SPTLC2: variants seen among roughly 807,000 people sequenced by gnomAD.
SPTLC2 encodes serine palmitoyltransferase long chain base subunit 2.
In SPTLC2, 21 loss-of-function variants were observed where a neutral mutation model predicts 62.0. The observed-to-expected ratio is 0.34, with a 90% CI of 0.24 to 0.49. The LOEUF is 0.49. Among genes scored for constraint, SPTLC2 ranks in the 20% least tolerant of loss-of-function variants. The pLI is 0.99. For missense variants in SPTLC2, 511 were observed against 713.0 expected (o/e 0.72, Z 3.23); for synonymous variants, 261 against 261.8 (o/e 1.00, Z 0.03).
At chr14:77,588,668 C>T (rs1466003924) in intron 2 of SPTLC2, among the ~76,000 whole-genome samples, 2 of 151,422 alleles carry the variant, frequency 1.3e-5, no homozygotes, top group Non-Finnish European at 2.9e-5. Context: ...TGCACTCAAC[C>T]CTGGGCAACA....
At chr14:77,551,047 C>T (rs2079552985) in intron 9 of SPTLC2, among the ~76,000 whole-genome samples, 1 of 151,956 alleles carries the variant, frequency 6.6e-6, no homozygotes, top group Admixed American at 6.5e-5. Context: ...GAGCTCATGG[C>T]TGATAATGTG....
chr14:77,527,302 T>G (rs916038068), intron 9 of SPTLC2, among the ~76,000 whole-genome samples: 3 of 152,098 alleles, frequency 2.0e-5, no homozygotes, highest in African/African-American at 7.2e-5. Flanking sequence ...TTCACTTTGT[T>G]GGCCAGGCTG....
At chr14:77,598,288 T>C (rs1825366155) in intron 1 of SPTLC2, among the ~76,000 whole-genome samples, 1 of 152,216 alleles carries the variant, frequency 6.6e-6, no homozygotes, top group Non-Finnish European at 1.5e-5. Flanking sequence ...CACCTAACAC[T>C]GATTTTTATC....
chr14:77,562,259 A>C (rs1174124856), intron 6 of SPTLC2, 137 bp downstream of exon 6: 2 of 756,746 alleles, frequency 2.6e-6, no homozygotes, highest in Non-Finnish European at 4.7e-6. Context: ...AAAAGACTGG[A>C]CCGGAAGAAC....
At chr14:77,597,129 A>T in intron 2 of SPTLC2, 57 bp downstream of exon 2, 1 of 1,560,130 alleles carries the variant, frequency 6.4e-7, no homozygotes, top group Non-Finnish European at 8.7e-7. Flanking sequence ...GTGCAAAAAT[A>T]CTAAGATTTC....
At chr14:77,546,332 A>G (rs1052227484) in intron 9 of SPTLC2, among the ~76,000 whole-genome samples, 3 of 152,244 alleles carry the variant, frequency 2.0e-5, no homozygotes, top group Admixed American at 1.3e-4. Flanking sequence ...TTAAAAAATA[A>G]TCAAGAAGCT....
At chr14:77,530,036 T>C (rs544406848) in intron 9 of SPTLC2, among the ~76,000 whole-genome samples, 11 of 152,346 alleles carry the variant, frequency 7.2e-5, no homozygotes, top group African/African-American at 2.6e-4. Flanking sequence ...TTTATATTAA[T>C]TTAAATTAAG....
At chr14:77,561,949 G>C (rs2079617150) in intron 6 of SPTLC2, among the ~76,000 whole-genome samples, 1 of 152,226 alleles carries the variant, frequency 6.6e-6, no homozygotes, top group South Asian at 2.1e-4. Flanking sequence ...AGGGAGGAAA[G>C]GTCTGGCTCA....
rs543467999 is a variant in SPTLC2 at position 77,568,532 on chromosome 14, G to A, written c.756+1852C>T. ...AATTAAGAGAGAGGGGTTAGGGCAG[G>A]GCACAGTGGCTCACGCCTGTAATCC... On this transcript the variant is annotated intron_variant, in intron 5 of 11. Transcript: ENST00000216484. Among the ~76,000 whole-genome samples the A allele has an allele frequency of 2.0e-5, 3 of 151,876 alleles. No individual in the cohort carries two copies. In the South Asian group the frequency reaches 6.2e-4, roughly 32 times the overall value.
At chr14:77,589,236 G>A (rs760205248) in intron 2 of SPTLC2, among the ~76,000 whole-genome samples, 6 of 151,798 alleles carry the variant, frequency 4.0e-5, no homozygotes, top group East Asian at 3.9e-4. Context: ...TCATACCACC[G>A]TCTGTCCTTT....
chr14:77,531,495 C>T (rs2079440122), intron 9 of SPTLC2, among the ~76,000 whole-genome samples: 3 of 106,250 alleles, frequency 2.8e-5, no homozygotes, highest in Admixed American at 1.1e-4. Context: ...CCTCCTCCTC[C>T]TCCTCCTCCT....
intron 9 of SPTLC2, among the ~76,000 whole-genome samples, chr14:77,532,202 T>TG (rs1441452795): frequency 6.6e-6 from 1 of 152,200 alleles, no homozygotes; most frequent in Non-Finnish European, 1.5e-5. Flanking sequence ...TATTGTAAGA[T>TG]GGGGTAAGTG....
chr14:77,542,358 AC>A (rs771543729), intron 9 of SPTLC2, among the ~76,000 whole-genome samples: 1 of 152,210 alleles, frequency 6.6e-6, no homozygotes, highest in Non-Finnish European at 1.5e-5. Flanking sequence ...GTAAGTCCTA[AC>A]TAAATGGCAC....
intron 8 of SPTLC2, 71 bp downstream of exon 8, chr14:77,555,229 C>T: frequency 6.3e-7 from 1 of 1,593,662 alleles, no homozygotes; most frequent in Non-Finnish European, 8.6e-7. Context: ...GCCCCATCTG[C>T]TAGGCCTGAG....
At chr14:77,559,761 G>A (rs902649040) in intron 6 of SPTLC2, among the ~76,000 whole-genome samples, 5 of 152,040 alleles carry the variant, frequency 3.3e-5, no homozygotes, top group Admixed American at 2.6e-4. Context: ...CATGGTGGTG[G>A]ATGCCTACAG....
At chr14:77,544,119 G>A (rs141980864) in intron 9 of SPTLC2, among the ~76,000 whole-genome samples, 457 of 152,012 alleles carry the variant, frequency 3.0e-3, no homozygotes, top group Middle Eastern at 0.014. Context: ...GCAATCCTCC[G>A]CCTTGGCCTC....
intron 9 of SPTLC2, among the ~76,000 whole-genome samples, chr14:77,543,019 G>A (rs746990789): frequency 6.6e-6 from 1 of 152,138 alleles, no homozygotes; most frequent in Non-Finnish European, 1.5e-5. Flanking sequence ...GAGTTTTAAC[G>A]GGTGCCAACC....
chr14:77,587,289 G>A (rs2079787157), intron 2 of SPTLC2, among the ~76,000 whole-genome samples: 1 of 151,732 alleles, frequency 6.6e-6, no homozygotes, highest in Non-Finnish European at 1.5e-5. Flanking sequence ...CAATAACTTT[G>A]GAAAACAATT....
At chr14:77,546,326 A>G (rs2079527596) in intron 9 of SPTLC2, among the ~76,000 whole-genome samples, 1 of 152,254 alleles carries the variant, frequency 6.6e-6, no homozygotes, top group Non-Finnish European at 1.5e-5. Flanking sequence ...GCTGCTTTAA[A>G]AAATAATCAA....
Sources: gnomAD v4.1 joint callset for allele counts (sites outside exome capture counted in the v4.1 genomes callset) on GRCh38, gnomAD v4.1.1 for gene constraint, MANE v1.5 for transcripts, NCBI Gene and HGNC (gene_info 2026-07-23, HGNC 2026-07-21) for gene names.